The following GRM8 variants were observed in gnomAD, a reference collection of about 807,000 sequenced individuals.
GRM8 encodes the protein metabotropic glutamate receptor 8.
Under a neutral mutation model 87.2 loss-of-function variants are expected in GRM8, and 47 were observed. That is an observed-to-expected ratio of 0.54 (90% CI 0.43 to 0.69). GRM8 has a LOEUF of 0.69. Ranked by LOEUF, GRM8 falls within the 30% of genes least tolerant of loss-of-function variation. The pLI, the probability that GRM8 is intolerant of heterozygous loss-of-function variation, is 0.00. For synonymous variants in GRM8, 396 were observed against 404.5 expected (o/e 0.98, Z 0.25); for missense variants, 1,019 against 1,139.2 (o/e 0.89, Z 1.52).
intron 3 of GRM8, among the ~76,000 whole-genome samples, chr7:126,952,683 T>A (rs1393537040): frequency 6.6e-6 from 1 of 152,052 alleles, no homozygotes; most frequent in African/African-American, 2.4e-5. Flanking sequence ...TTCTGTGGAA[T>A]TCTTGCCAAA....
chr7:126,630,126 C>T (rs1429749719), intron 7 of GRM8, among the ~76,000 whole-genome samples: 1 of 136,248 alleles, frequency 7.3e-6, no homozygotes, highest in African/African-American at 2.5e-5. Flanking sequence ...GTTAACACAA[C>T]ACCAAATAAG....
Position 126,873,291 on chromosome 7 carries a change from G to C in GRM8, c.1156+29251C>G, listed in dbSNP as rs531037778. On this transcript the variant is annotated intron_variant, in intron 6 of 10. Transcript: ENST00000339582. The stretch of plus-strand genomic sequence containing the variant: ...TTCCGAACATGACCAAATCCACCAA[G>C]CATATTAGTTTCCCTTAAAACTAAA... 4.6e-5 allele frequency among the ~76,000 whole-genome samples: 7 copies of C among 152,158 alleles called. No homozygotes were observed. The South Asian group carries it at 1.5e-3, about 32-fold the overall frequency.
In GRM8 at chr7:126,440,188, T is replaced by C. The variant is rs535093601; in HGVS notation, c.2678-1020A>G. On this transcript the variant is annotated intron_variant, in intron 10 of 10. Transcript: ENST00000339582. ...CAGCACTTTGGGAGGCCTAGGCAGG[T>C]GGATCACGAGGTCAGGAGTTTGAGA... Among the ~76,000 whole-genome samples the C allele has an allele frequency of 4.5e-4, 69 of 151,784 alleles. 4 individuals carry two copies. The South Asian group carries it at 0.013, about 28-fold the overall frequency.
At chr7:126,479,675 C>G (rs1179457884) in intron 9 of GRM8, among the ~76,000 whole-genome samples, 1 of 151,948 alleles carries the variant, frequency 6.6e-6, no homozygotes, top group Admixed American at 6.6e-5. Context: ...AATAATGGTA[C>G]TATGAACATT....
chr7:126,702,784 A>T lies in GRM8; in HGVS notation c.1357+67081T>A, dbSNP rs1162640150. Among the ~76,000 whole-genome samples the T allele has an allele frequency of 9.9e-5, 15 of 152,270 alleles. No individual in the cohort carries two copies. The East Asian group carries it at 2.7e-3, about 27-fold the overall frequency. ...TTCCCAAGACCTTCTAAAAAATTGT[A>T]AGCACTAACTTACCATGTTAAGTTC... is the stretch of plus-strand genomic sequence containing the variant. On this transcript the variant is annotated intron_variant, in intron 7 of 10. Coordinates refer to ENST00000339582, the MANE Select transcript of GRM8 (RefSeq NM_000845.3).
intron 6 of GRM8, among the ~76,000 whole-genome samples, chr7:126,778,291 C>T (rs1372242481): frequency 6.6e-6 from 1 of 152,128 alleles, no homozygotes; most frequent in African/African-American, 2.4e-5. Context: ...CACTGAAGAG[C>T]TCTAGATCAG....
At chr7:126,608,212 G>A (rs1378517488) in intron 8 of GRM8, among the ~76,000 whole-genome samples, 1 of 151,732 alleles carries the variant, frequency 6.6e-6, no homozygotes, top group African/African-American at 2.4e-5. Flanking sequence ...TTGGTTTCCT[G>A]TTCCAGAGCC....
rs77239723 is a variant in GRM8 at position 126,691,136 on chromosome 7, G to A, written c.1357+78729C>T. 7.4e-3 allele frequency among the ~76,000 whole-genome samples: 1,123 copies of A among 152,160 alleles called. 10 individuals are homozygous for A. Among genetic ancestry groups the A allele is most frequent in the African/African-American group, 0.026 (1,063 of 41,496 alleles). On this transcript the variant is annotated intron_variant, in intron 7 of 10. Transcript: ENST00000339582. ...GTCCAGGCTATTCATGCCAAGGGGT[G>A]CCTGCAAGCCAACACTGAGCTGCCC...
intron 3 of GRM8, among the ~76,000 whole-genome samples, chr7:126,929,441 T>C (rs1805502658): frequency 6.6e-6 from 1 of 152,166 alleles, no homozygotes; most frequent in African/African-American, 2.4e-5. Flanking sequence ...TTTATTTTAT[T>C]GTATTTTTTT....
chr7:127,052,611 A>ATGAATTTCACTAATTTT (rs369291503), intron 3 of GRM8, among the ~76,000 whole-genome samples: 1 of 152,208 alleles, frequency 6.6e-6, no homozygotes, highest in African/African-American at 2.4e-5. Context: ...TCCCTGAGCA[A>ATGAATTTCACTAATTTT]TGAATTTCAC....
intron 8 of GRM8, among the ~76,000 whole-genome samples, chr7:126,554,010 C>T (rs186730205): frequency 3.3e-5 from 5 of 152,074 alleles, no homozygotes; most frequent in Non-Finnish European, 5.9e-5. Flanking sequence ...ATTTTCAATG[C>T]CTATCTTCTG....
intron 3 of GRM8, among the ~76,000 whole-genome samples, chr7:127,044,333 G>A (rs1465301794): frequency 6.6e-6 from 1 of 152,132 alleles, no homozygotes; most frequent in Non-Finnish European, 1.5e-5. Context: ...TACTCCACCT[G>A]CCTACAGACA....
chr7:126,590,109 A>T (rs1421614115), intron 8 of GRM8, among the ~76,000 whole-genome samples: 4 of 81,880 alleles, frequency 4.9e-5, no homozygotes, highest in Non-Finnish European at 1.0e-4. Flanking sequence ...GTGAAGTCCA[A>T]TTTCATGAAA....
intron 7 of GRM8, among the ~76,000 whole-genome samples, chr7:126,733,953 G>T (rs977448534): frequency 6.6e-6 from 1 of 151,970 alleles, no homozygotes; most frequent in South Asian, 2.1e-4. Flanking sequence ...AAATTCCACT[G>T]GAAGCAGTTA....
At chr7:126,668,268 G>A (rs1806006908) in intron 7 of GRM8, among the ~76,000 whole-genome samples, 1 of 152,110 alleles carries the variant, frequency 6.6e-6, no homozygotes, top group Non-Finnish European at 1.5e-5. Flanking sequence ...AATTTTCATA[G>A]CCGTAGGACG....
At chr7:127,135,738 G>GC (rs1827915610) in intron 2 of GRM8, among the ~76,000 whole-genome samples, 1 of 150,556 alleles carries the variant, frequency 6.6e-6, no homozygotes, top group African/African-American at 2.4e-5. Flanking sequence ...GCCTACAATC[G>GC]TTTTTCTTAT....
intron 2 of GRM8, among the ~76,000 whole-genome samples, chr7:127,191,631 A>G (rs1055099878): frequency 6.6e-6 from 1 of 152,182 alleles, no homozygotes. Context: ...ATATGCCATC[A>G]TCACACAGAT....
At position 126,903,959 on chromosome 7, in the gene GRM8, G is replaced by A. The variant is rs758283026; in HGVS notation, c.1018+13C>T. The A allele has an allele frequency of 2.7e-5, 36 of 1,348,606 alleles. No homozygotes were observed. The highest frequency in any genetic ancestry group is 1.2e-4 in the East Asian group (5 of 42,362). 83.5% of individuals were successfully genotyped at this position (1,348,606 alleles called of 1,614,324 possible). A position where few individuals can be genotyped will look rare whatever the true frequency, so the allele number is the denominator to read the frequency against. Reference sequence around the variant, plus strand: ...AACTGGAATAAAACAAATTCTCTATGGTGCATTCTTACCATCAATTGATGC... The same window carrying A: ...AACTGGAATAAAACAAATTCTCTATAGTGCATTCTTACCATCAATTGATGC... On this transcript the variant is annotated intron_variant, in intron 5 of 10. Transcript: ENST00000339582.
At chr7:126,734,362 GA>G in intron 7 of GRM8, among the ~76,000 whole-genome samples, 3 of 151,568 alleles carry the variant, frequency 2.0e-5, no homozygotes. Flanking sequence ...TGCCCTATTA[GA>G]TATTAACATA....
Sources: gnomAD v4.1 joint callset for allele counts (sites outside exome capture counted in the v4.1 genomes callset) on GRCh38, gnomAD v4.1.1 for gene constraint, MANE v1.5 for transcripts, NCBI Gene and HGNC (gene_info 2026-07-23, HGNC 2026-07-21) for gene names.